Variants in SLIT3 observed in about 807,000 individuals in gnomAD.
SLIT3 encodes the protein slit guidance ligand 3, also known as slit homolog 3 protein.
A neutral mutation model predicts 184.0 loss-of-function variants in SLIT3; 68 were observed. The observed-to-expected ratio is 0.37, with a 90% CI of 0.30 to 0.45. The LOEUF (loss-of-function observed/expected upper bound fraction) is 0.45. SLIT3 is among the 20% of genes least tolerant of loss of function. The probability of loss-of-function intolerance (pLI) is 1.00; values close to 1 mark genes in which losing one functional copy is unlikely to be tolerated. For synonymous variants in SLIT3, 831 were observed against 828.6 expected, an observed-to-expected ratio of 1.00 and a Z score of -0.05; for missense variants, 1,707 against 2,026.0, an observed-to-expected ratio of 0.84 and a Z score of 3.02.
At chr5:169,103,683 T>C (rs1760099834) in intron 4 of SLIT3, among the ~76,000 whole-genome samples, 1 of 152,218 alleles carries the variant, frequency 6.6e-6, no homozygotes, top group South Asian at 2.1e-4. Flanking sequence ...GTGGAACTGC[T>C]TGCAGCCTGC....
chr5:168,970,452 G>C (rs1341278513), intron 4 of SLIT3, among the ~76,000 whole-genome samples: 1 of 150,442 alleles, frequency 6.6e-6, no homozygotes, highest in Non-Finnish European at 1.5e-5. Context: ...CTGAGATAGC[G>C]CCACTGCACT....
At chr5:168,772,594 G>T (rs955070332) in intron 14 of SLIT3, 187 bp downstream of exon 14, 5 of 604,874 alleles carry the variant, frequency 8.3e-6, no homozygotes, top group East Asian at 2.8e-5. Flanking sequence ...GTGTGTGTGT[G>T]TTTTATTTTA....
intron 3 of SLIT3, among the ~76,000 whole-genome samples, chr5:169,227,425 G>A (rs562196344): frequency 3.9e-5 from 6 of 152,182 alleles, no homozygotes; most frequent in African/African-American, 1.4e-4. Context: ...AATAAGTGTG[G>A]TTTTGTCATT....
chr5:169,068,342 A>G (rs966706980), intron 4 of SLIT3, among the ~76,000 whole-genome samples: 19 of 152,336 alleles, frequency 1.2e-4, no homozygotes, highest in Admixed American at 4.6e-4. Flanking sequence ...TCTGTTGGTA[A>G]ATAGACTTTG....
intron 29 of SLIT3, among the ~76,000 whole-genome samples, chr5:168,689,222 C>T (rs1174327529): frequency 6.6e-6 from 1 of 152,202 alleles, no homozygotes; most frequent in Admixed American, 6.5e-5. Context: ...TCAAGAACCT[C>T]TGGTAGCAAG....
intron 5 of SLIT3, among the ~76,000 whole-genome samples, chr5:168,880,390 C>T (rs1437409859): frequency 1.3e-5 from 2 of 152,332 alleles, no homozygotes; most frequent in East Asian, 3.9e-4. Context: ...CACTCTTCTG[C>T]CCCAGATCCC....
chr5:169,104,995 C>T (rs577977371), intron 4 of SLIT3, among the ~76,000 whole-genome samples: 25 of 152,178 alleles, frequency 1.6e-4, no homozygotes, highest in Non-Finnish European at 3.2e-4. Context: ...GCCTCAAGTA[C>T]GATCACATGT....
intron 4 of SLIT3, among the ~76,000 whole-genome samples, chr5:169,143,823 G>T (rs1194672400): frequency 6.6e-6 from 1 of 152,182 alleles, no homozygotes; most frequent in African/African-American, 2.4e-5. Flanking sequence ...CAGTATGTAT[G>T]CACATGTGTG....
chr5:169,256,903 T>C (rs1389253282), intron 1 of SLIT3, among the ~76,000 whole-genome samples: 2 of 152,234 alleles, frequency 1.3e-5, no homozygotes, highest in African/African-American at 4.8e-5. Context: ...GGGCTTAGGA[T>C]ACCATGGGAA....
chr5:168,709,772 A>C (rs1419354153), intron 25 of SLIT3, among the ~76,000 whole-genome samples: 1 of 152,174 alleles, frequency 6.6e-6, no homozygotes, highest in Non-Finnish European at 1.5e-5. Context: ...ATACAAATGA[A>C]AAGTACGTTT....
intron 20 of SLIT3, among the ~76,000 whole-genome samples, chr5:168,733,054 T>G (rs1444387009): frequency 2.0e-5 from 3 of 151,874 alleles, no homozygotes; most frequent in Non-Finnish European, 4.4e-5. Context: ...TTTTAAACTA[T>G]GCCTAAACAA....
At chr5:168,741,281 T>C (rs1211828417) in intron 20 of SLIT3, among the ~76,000 whole-genome samples, 2 of 151,810 alleles carry the variant, frequency 1.3e-5, no homozygotes, top group African/African-American at 4.8e-5. Context: ...CCATCCTGGC[T>C]AACATGGTGA....
At chr5:168,679,723 C>A (rs937913083) in intron 32 of SLIT3, among the ~76,000 whole-genome samples, 1 of 152,192 alleles carries the variant, frequency 6.6e-6, no homozygotes, top group Non-Finnish European at 1.5e-5. Flanking sequence ...ACTGCAGCAA[C>A]CCCCTACTCC....
At chr5:168,745,284 T>C (rs867752291) in intron 20 of SLIT3, among the ~76,000 whole-genome samples, 1 of 152,166 alleles carries the variant, frequency 6.6e-6, no homozygotes, top group South Asian at 2.1e-4. Flanking sequence ...AGGAAAGAAA[T>C]TGGTTTCTTG....
intron 4 of SLIT3, among the ~76,000 whole-genome samples, chr5:169,000,936 C>T (rs78458554): frequency 3.9e-5 from 6 of 152,090 alleles, no homozygotes; most frequent in African/African-American, 7.2e-5. Flanking sequence ...ATTTGAGTTG[C>T]GTCGGAAAGC....
intron 6 of SLIT3, among the ~76,000 whole-genome samples, chr5:168,833,313 C>A (rs558973294): frequency 1.3e-5 from 2 of 152,310 alleles, no homozygotes; most frequent in East Asian, 3.9e-4. Flanking sequence ...CCAGAGAGGT[C>A]CTGCTTTTTA....
chr5:168,946,644 A>G (rs1317252209), intron 4 of SLIT3, among the ~76,000 whole-genome samples: 1 of 152,168 alleles, frequency 6.6e-6, no homozygotes, highest in Non-Finnish European at 1.5e-5. Context: ...CAGGCCCTGA[A>G]TCATCAGAGG....
chr5:168,775,038 A>ATTTTTTTTTTTTTTTTTTT (rs34335250), intron 12 of SLIT3, among the ~76,000 whole-genome samples: 1 of 135,592 alleles, frequency 7.4e-6, no homozygotes. Context: ...CCACCACTGC[A>ATTTTTTTTTTTTTTTTTTT]TTTTTTTTTT....
chr5:169,006,531 A>C (rs1471792086), intron 4 of SLIT3, among the ~76,000 whole-genome samples: 1 of 151,264 alleles, frequency 6.6e-6, no homozygotes, highest in Non-Finnish European at 1.5e-5. Flanking sequence ...TAAATCTTCC[A>C]TTGCAGACCA....
Sources: gnomAD v4.1 joint callset for allele counts (sites outside exome capture counted in the v4.1 genomes callset) on GRCh38, gnomAD v4.1.1 for gene constraint, MANE v1.5 for transcripts, NCBI Gene and HGNC (gene_info 2026-07-23, HGNC 2026-07-21) for gene names.